ITFG2: variants seen among roughly 807,000 people sequenced by gnomAD.
The protein encoded by ITFG2 is integrin alpha FG-GAP repeat containing 2.
ITFG2 carries 36 observed loss-of-function variants against 54.4 expected under a neutral mutation model. The ratio of observed to expected loss-of-function variants is 0.66; its 90% confidence interval spans 0.51 to 0.87. ITFG2 has a LOEUF of 0.87. ITFG2 is among the 40% of genes least tolerant of loss of function. The probability of loss-of-function intolerance (pLI) is 0.00; values close to 1 mark genes in which losing one functional copy is unlikely to be tolerated. For missense variants in ITFG2, 524 were observed against 576.7 expected (o/e 0.91, Z 0.94); for synonymous variants, 211 against 225.4 (o/e 0.94, Z 0.57).
In ITFG2 at chr12:2,822,778, C is replaced by G; in HGVS notation, c.949-16C>G. On this transcript the variant is annotated splice_polypyrimidine_tract_variant and intron_variant, in intron 9 of 11. Transcript: ENST00000228799. ...CACAGCTCCTTTATGTTCCTTTTGT[C>G]TCTGTCCTTTTTCAGGGCAACGGGC... 1 of 1,604,796 alleles carries G rather than the reference C, an allele frequency of 6.2e-7. No homozygotes were observed. The highest frequency in any genetic ancestry group is 1.1e-5 in the South Asian group (1 of 90,872).
At chr12:2,849,348 T>A in intron 2 of ITFG2, 3 of 1,536,076 alleles carry the variant, frequency 2.0e-6, no homozygotes, top group Non-Finnish European at 2.6e-6. Context: ...GGAAATCCCT[T>A]ATGAGGTCCT....
upstream of ITFG2, chr12:2,835,109 C>G: frequency 7.0e-7 from 1 of 1,434,484 alleles, no homozygotes; most frequent in Non-Finnish European, 9.1e-7. Context: ...CTGACTTGGC[C>G]GCATCCCCAA....
At chr12:2,839,907 T>C (rs1202547758) in intron 1 of ITFG2, among the ~76,000 whole-genome samples, 1 of 151,624 alleles carries the variant, frequency 6.6e-6, no homozygotes, top group African/African-American at 2.4e-5. Context: ...AAACAATGAG[T>C]ACAAATGGAC....
At chr12:2,820,451 A>G (rs1033828334) in intron 5 of ITFG2, among the ~76,000 whole-genome samples, 1 of 152,106 alleles carries the variant, frequency 6.6e-6, no homozygotes, top group African/African-American at 2.4e-5. Context: ...GTGTGAAGGT[A>G]GGTGTGGAGT....
intron 7 of ITFG2, 32 bp downstream of exon 7, chr12:2,821,391 T>TGTGGTGGGTGTGAGG: frequency 6.3e-7 from 1 of 1,583,074 alleles, no homozygotes; most frequent in Non-Finnish European, 8.6e-7. Context: ...GGGAGGGAGA[T>TGTGGTGGGTGTGAGG]GAGGGGTAGC....
downstream of ITFG2, chr12:2,828,101 C>A: frequency 1.3e-6 from 2 of 1,502,770 alleles, no homozygotes; most frequent in Non-Finnish European, 1.8e-6. Flanking sequence ...GGGTTCCACC[C>A]CATTAATCAG....
exon 4 of ITFG2, chr12:2,859,753 G>A (rs540842776): frequency 1.8e-4 from 170 of 946,118 alleles, no homozygotes; most frequent in African/African-American, 1.4e-3. Flanking sequence ...TCTTTGTGTC[G>A]TTTTGAAGTC....
chr12:2,820,384 TA>T (rs888039011), intron 5 of ITFG2, among the ~76,000 whole-genome samples, 159 bp downstream of exon 5: 23 of 151,822 alleles, frequency 1.5e-4, no homozygotes, highest in African/African-American at 5.6e-4. Context: ...ATCAGGGGCT[TA>T]GGGGAAATTG....
At chr12:2,827,356 C>G (rs2097973212), downstream of ITFG2, 2 of 1,567,378 alleles carry the variant, frequency 1.3e-6, no homozygotes, top group Admixed American at 4.0e-5. This position sits in a 1 kb window ranked among gnomAD's most constrained non-coding sequence, Gnocchi z 4.0. Flanking sequence ...TGCCTCCCGG[C>G]CTGCTCCTTT....
At position 2,817,952 on chromosome 12, in the gene ITFG2, TAAG is replaced by T. The variant is rs766341064; in HGVS notation, c.234+5_234+7del. 2 of 1,613,716 alleles carry T rather than the reference TAAG, an allele frequency of 1.2e-6. No homozygotes were observed. The highest frequency in any genetic ancestry group is 1.7e-6 in the Non-Finnish European group (2 of 1,179,872). On this transcript the variant is annotated splice_donor_5th_base_variant and intron_variant, in intron 3 of 11. Transcript: ENST00000228799. ...GGAGACGTGTGTAATAAAGGAAAGG[TAAG>T]AACTATAGGGGACCTTCCTTGGTTC... is the stretch of plus-strand genomic sequence containing the variant.
intron 2 of ITFG2, among the ~76,000 whole-genome samples, chr12:2,843,417 C>T (rs1002957122): frequency 2.0e-5 from 3 of 152,186 alleles, no homozygotes; most frequent in Non-Finnish European, 2.9e-5. Flanking sequence ...TTTCCTGTTT[C>T]ATGGATGGCA....
At chr12:2,828,224 T>G, downstream of ITFG2, 2 of 1,200,176 alleles carry the variant, frequency 1.7e-6, no homozygotes, top group Non-Finnish European at 2.4e-6. Flanking sequence ...AATAACAGCT[T>G]TATTGAGATA....
At position 2,812,960 on chromosome 12, in the gene ITFG2, C is replaced by G. The variant is rs549020261; in HGVS notation, c.96+104C>G. 24 of 939,400 alleles carry G rather than the reference C, an allele frequency of 2.6e-5. No homozygotes were observed. The South Asian group carries it at 2.9e-4, about 11-fold the overall frequency. 58.2% of individuals were successfully genotyped at this position (939,400 alleles called of 1,614,324 possible). A position where few individuals can be genotyped will look rare whatever the true frequency, so the allele number is the denominator to read the frequency against. The stretch of plus-strand genomic sequence containing the variant: ...CGTGCCACGTGAGCGTGAGCATGCG[C>G]GCTGTGGCTAGTTTGGAGCGCTAGA... On this transcript the variant is annotated intron_variant, in intron 1 of 11. Transcript: ENST00000228799.
At chr12:2,835,159 ATGTG>A (rs375198605), upstream of ITFG2, 196 of 1,122,870 alleles carry the variant, frequency 1.7e-4, no homozygotes, top group Admixed American at 2.9e-4. Flanking sequence ...GATGGGGCGT[ATGTG>A]TGTGTGTGTG....
chr12:2,835,766 TC>T (rs1219095329), upstream of ITFG2, among the ~76,000 whole-genome samples: 1 of 152,264 alleles, frequency 6.6e-6, no homozygotes, highest in African/African-American at 2.4e-5. Context: ...CCTGTGCACT[TC>T]CACTTCCGCC....
chr12:2,819,909 C>A, intron 4 of ITFG2, 177 bp from the exon 5 acceptor site: 1 of 655,362 alleles, frequency 1.5e-6, no homozygotes, highest in Non-Finnish European at 2.4e-6. Context: ...AACAGATGGA[C>A]CAAATGGACG....
chr12:2,818,001 G>T, intron 3 of ITFG2, 51 bp downstream of exon 3: 1 of 1,610,904 alleles, frequency 6.2e-7, no homozygotes. Flanking sequence ...GTGGAAATCA[G>T]TTGAAGGTTA....
In ITFG2 at chr12:2,818,123, G is replaced by A. The variant is rs775608641; in HGVS notation, c.252G>A (p.Val84=). ...CNKGKNLLVA[V]SAEGWFHLFD... ...TGTCCTAGAACCTGTTGGTGGCAGT[G>A]AGTGCTGAAGGCTGGTTTCATTTGT... Residue 84 remains valine, a synonymous_variant, in exon 4 of 12, where the codon GTG becomes GTA. Coordinates refer to ENST00000228799, the MANE Select transcript of ITFG2 (RefSeq NM_018463.4). The A allele has an allele frequency of 9.7e-5, 157 of 1,613,980 alleles. No homozygotes were observed. Among genetic ancestry groups the A allele is most frequent in the Non-Finnish European group, 1.3e-4 (154 of 1,179,972 alleles).
Position 2,830,817 on chromosome 12 carries a change from G to C in ITFG2, c.*60-17G>C, listed in dbSNP as rs756586590. 4.3e-6 allele frequency: 7 copies of C among 1,613,638 alleles called. No individual in the cohort carries two copies. The Admixed American group carries it at 1.2e-4, about 27-fold the overall frequency. ...GGGAGGCTCCCCCTGAAGCCAATTC[G>C]GGTTTCCCTCCACCAGGCGTCTTTG... On this transcript the variant is annotated splice_polypyrimidine_tract_variant and intron_variant and NMD_transcript_variant, in intron 2 of 2. Transcript: ENST00000538822.
Sources: allele counts gnomAD v4.1 joint callset (sites outside exome capture counted in the v4.1 genomes callset), GRCh38; gene constraint gnomAD v4.1.1; non-coding constraint Gnocchi (gnomAD v3.1); transcripts MANE v1.5; gene names NCBI Gene and HGNC (gene_info 2026-07-23, HGNC 2026-07-21).